The following LINGO2 variants were observed in gnomAD, a reference collection of about 807,000 sequenced individuals.
LINGO2 encodes the protein leucine rich repeat and Ig domain containing 2, also known as leucine-rich repeat and immunoglobulin-like domain-containing nogo receptor-interacting protein 2.
A neutral mutation model predicts 30.6 loss-of-function variants in LINGO2; 14 were observed. The observed-to-expected ratio is 0.46, with a 90% confidence interval of 0.30 to 0.72. The LOEUF is 0.72. Ranked by LOEUF, LINGO2 falls within the 30% of genes least tolerant of loss-of-function variation. LINGO2 has a pLI of 0.07. For missense variants in LINGO2, 729 were observed against 751.7 expected (o/e 0.97, Z 0.35); for synonymous variants, 317 against 288.5 (o/e 1.10, Z -1.00).
At chr9:28,936,694 G>A in the LINGO2 span, among the ~76,000 whole-genome samples, 1 of 152,268 alleles carries the variant, frequency 6.6e-6, no homozygotes, top group Admixed American at 6.5e-5. Context: ...ATGAAATAAT[G>A]TACATATAGG....
chr9:28,943,021 T>C, the LINGO2 span, among the ~76,000 whole-genome samples: 3 of 152,144 alleles, frequency 2.0e-5, no homozygotes, highest in Admixed American at 2.0e-4. Flanking sequence ...ACAGACAGAA[T>C]GATAAAATAT....
At chr9:28,924,636 T>G in the LINGO2 span, among the ~76,000 whole-genome samples, 2 of 152,202 alleles carry the variant, frequency 1.3e-5, no homozygotes, top group African/African-American at 4.8e-5. Flanking sequence ...CAACTATAGA[T>G]GTTTGGAAGG....
chr9:28,828,878 C>T, the LINGO2 span, among the ~76,000 whole-genome samples: 1 of 152,174 alleles, frequency 6.6e-6, no homozygotes, highest in Non-Finnish European at 1.5e-5. Context: ...TTGCATCACA[C>T]AGTCTAGTGA....
intron 4 of LINGO2, among the ~76,000 whole-genome samples, chr9:28,235,162 G>A (rs1564064377): frequency 6.6e-6 from 1 of 152,154 alleles, no homozygotes. Flanking sequence ...AGTTTCAAGT[G>A]ACTCACCACA....
chr9:28,260,428 A>G (rs2134043175), intron 4 of LINGO2, among the ~76,000 whole-genome samples: 1 of 152,032 alleles, frequency 6.6e-6, no homozygotes, highest in African/African-American at 2.4e-5. Flanking sequence ...CTTCAGAGAT[A>G]TCTTAGGATC....
chr9:28,749,225 G>C, the LINGO2 span, among the ~76,000 whole-genome samples: 220 of 152,008 alleles, frequency 1.4e-3, no homozygotes, highest in Middle Eastern at 0.017. Context: ...ACTGTGTTCA[G>C]ATATCTCTTA....
chr9:28,498,391 G>T (rs1458187850), intron 1 of LINGO2, among the ~76,000 whole-genome samples: 1 of 152,184 alleles, frequency 6.6e-6, no homozygotes, highest in Non-Finnish European at 1.5e-5. Context: ...CTGCTGCCTT[G>T]CAGTTAGATC....
At chr9:28,634,485 C>CTTT (rs755583837) in intron 1 of LINGO2, among the ~76,000 whole-genome samples, 11 of 124,666 alleles carry the variant, frequency 8.8e-5, no homozygotes, top group East Asian at 2.2e-4. Flanking sequence ...TTCTTTTTTT[C>CTTT]TTTTTTTTTT....
chr9:29,142,774 T>C, the LINGO2 span, among the ~76,000 whole-genome samples: 1 of 151,964 alleles, frequency 6.6e-6, no homozygotes, highest in South Asian at 2.1e-4. Flanking sequence ...TTCAGCATAG[T>C]ACTGAAGTCC....
At chr9:28,998,538 C>G in the LINGO2 span, among the ~76,000 whole-genome samples, 1 of 151,924 alleles carries the variant, frequency 6.6e-6, no homozygotes, top group Non-Finnish European at 1.5e-5. Flanking sequence ...AACAATTACC[C>G]TACAAGAAAA....
At chr9:28,299,691 A>C (rs1057072408) in intron 3 of LINGO2, among the ~76,000 whole-genome samples, 5 of 152,172 alleles carry the variant, frequency 3.3e-5, no homozygotes, top group African/African-American at 1.2e-4. Context: ...GCCTTTGAAA[A>C]ATGGAGCTGT....
intron 1 of LINGO2, among the ~76,000 whole-genome samples, chr9:28,505,972 G>A (rs1175190453): frequency 6.6e-6 from 1 of 151,748 alleles, no homozygotes; most frequent in Non-Finnish European, 1.5e-5. Flanking sequence ...TTTTGTCATT[G>A]TTCTATTATA....
intron 2 of LINGO2, among the ~76,000 whole-genome samples, chr9:28,455,921 G>T (rs1294770853): frequency 6.6e-6 from 1 of 152,050 alleles, no homozygotes. Context: ...TCTGTATCAG[G>T]AAGGCACTAT....
the LINGO2 span, among the ~76,000 whole-genome samples, chr9:28,805,084 T>A: frequency 2.0e-5 from 3 of 152,200 alleles, no homozygotes; most frequent in Admixed American, 2.0e-4. Flanking sequence ...AGTTTCTTAA[T>A]AATTGAGAGA....
At chr9:29,126,679 G>T in the LINGO2 span, among the ~76,000 whole-genome samples, 1 of 151,998 alleles carries the variant, frequency 6.6e-6, no homozygotes, top group African/African-American at 2.4e-5. Context: ...GACAATATGG[G>T]AAAGGGGGAA....
intron 5 of LINGO2, among the ~76,000 whole-genome samples, chr9:27,973,628 G>A (rs542600382): frequency 1.3e-5 from 2 of 152,296 alleles, no homozygotes; most frequent in South Asian, 4.1e-4. Flanking sequence ...GTCACTGGAT[G>A]AGATGGGGAT....
At chr9:28,185,021 G>A (rs2133732505) in intron 4 of LINGO2, among the ~76,000 whole-genome samples, 2 of 152,260 alleles carry the variant, frequency 1.3e-5, no homozygotes, top group South Asian at 4.2e-4. Flanking sequence ...GGATTTATGG[G>A]CAGGTGAAGT....
chr9:28,486,663 G>T (rs1355798527), intron 1 of LINGO2, among the ~76,000 whole-genome samples: 1 of 151,918 alleles, frequency 6.6e-6, no homozygotes, highest in Non-Finnish European at 1.5e-5. Context: ...CTGTTATAAT[G>T]AATAGTGCTC....
At chr9:28,700,540 G>A in the LINGO2 span, among the ~76,000 whole-genome samples, 1 of 151,920 alleles carries the variant, frequency 6.6e-6, no homozygotes, top group Admixed American at 6.6e-5. Context: ...ATACACTGAA[G>A]GACATTTTGG....
Sources: allele counts gnomAD v4.1 joint callset (sites outside exome capture counted in the v4.1 genomes callset), GRCh38; gene constraint gnomAD v4.1.1; transcripts MANE v1.5; gene names NCBI Gene and HGNC (gene_info 2026-07-23, HGNC 2026-07-21).